NSD2: variants seen among roughly 807,000 people sequenced by gnomAD.
The protein encoded by NSD2 is histone-lysine N-methyltransferase NSD2.
Under a neutral mutation model 139.0 loss-of-function variants are expected in NSD2, and 12 were observed. That is an observed-to-expected ratio of 0.09 (90% confidence interval 0.06 to 0.14). The LOEUF is 0.14. Ranked by LOEUF, NSD2 falls within the 10% of genes least tolerant of loss-of-function variation. The pLI is 1.00. For synonymous variants in NSD2, 669 were observed against 648.7 expected, an observed-to-expected ratio of 1.03 and a Z score of -0.48; for missense variants, 1,155 against 1,745.0, an observed-to-expected ratio of 0.66 and a Z score of 6.02.
chr4:1,882,711 AAC>A lies in NSD2; in HGVS notation c.-30+11171_-30+11172del, dbSNP rs371300894. ...AACAAAAAACTGGGTTGAGCCAAGT[AAC>A]AGTTTTGGGCTTGTTACTGTACCAT... On this transcript the variant is annotated intron_variant, in intron 1 of 21. Coordinates refer to ENST00000508803, the MANE Select transcript of NSD2 (RefSeq NM_001042424.3). Among the ~76,000 whole-genome samples the A allele has an allele frequency of 5.8e-3, 890 of 152,258 alleles. 9 individuals carry two copies. Among genetic ancestry groups the A allele is most frequent in the African/African-American group, 0.02 (845 of 41,562 alleles).
Position 1,979,869 on chromosome 4 carries a change from G to C in NSD2, c.*960G>C. The C allele has an allele frequency of 4.3e-6, 1 of 232,748 alleles. No homozygotes were observed. Among genetic ancestry groups the C allele is most frequent in the Non-Finnish European group, 8.5e-6 (1 of 117,708 alleles). The allele number at this position is 232,748 out of a possible 1,614,324, so 14.4% of individuals were successfully genotyped here. ...CGAAAGGAGTGACTTTGCAGGGCGT[G>C]AGACCGCAGTCTGCTTAGAGCACAG... On this transcript the variant is annotated 3_prime_UTR_variant, in exon 22 of 22. Transcript: ENST00000508803.
intron 9 of NSD2, chr4:1,941,987 C>G: frequency 9.1e-7 from 1 of 1,096,806 alleles, no homozygotes; most frequent in African/African-American, 1.6e-5. Context: ...TGTTTGAGGT[C>G]CACACTGACA....
chr4:1,902,255 G>A lies in NSD2; in HGVS notation c.597+1004G>A, dbSNP rs535575120. On this transcript the variant is annotated intron_variant, in intron 2 of 21. Transcript: ENST00000508803. ...TTATTTATTTATTTATTTTGAGATG[G>A]TCTCTGTTGTCCAGGCTAGAGGGCA... Among the ~76,000 whole-genome samples the A allele has an allele frequency of 5.3e-5, 8 of 152,146 alleles. No individual in the cohort carries two copies. The South Asian group carries it at 1.7e-3, about 32-fold the overall frequency.
chr4:1,951,325 T>C, intron 10 of NSD2, 122 bp downstream of exon 10: 2 of 1,365,280 alleles, frequency 1.5e-6, no homozygotes, highest in Non-Finnish European at 2.0e-6. Flanking sequence ...TCACCGTCAC[T>C]CACTCATCTC....
intron 7 of NSD2, 63 bp from the exon 8 acceptor site, chr4:1,938,388 C>CTTTTTTTTTTTTTTTTTTTTTTTTTTTTT (rs1186431532): frequency 1.6e-5 from 18 of 1,130,120 alleles, no homozygotes; most frequent in Middle Eastern, 3.3e-4. Flanking sequence ...TTTTTTTTTC[C>CTTTTTTTTTTTTTTTTTTTTTTTTTTTTT]TTTTTTTCTT....
At chr4:1,891,634 C>G (rs951205026) in intron 1 of NSD2, among the ~76,000 whole-genome samples, 2 of 151,984 alleles carry the variant, frequency 1.3e-5, no homozygotes, top group Non-Finnish European at 2.9e-5. Context: ...GGGCAGTTCA[C>G]GAGGTGAGGA....
chr4:1,959,409 T>TA, intron 16 of NSD2, 62 bp from the exon 17 acceptor site: 1 of 1,567,610 alleles, frequency 6.4e-7, no homozygotes, highest in South Asian at 1.2e-5. Flanking sequence ...CAGTGGTGGG[T>TA]GTGCAAGGGT....
intron 1 of NSD2, among the ~76,000 whole-genome samples, chr4:1,880,163 T>C (rs571487579): frequency 6.6e-6 from 1 of 152,312 alleles, no homozygotes; most frequent in East Asian, 1.9e-4. Flanking sequence ...AATTCGGAGT[T>C]GGTGTAATCT....
Position 1,878,270 on chromosome 4 carries a change from T to A in NSD2, c.-30+6728T>A, listed in dbSNP as rs1318338644. On this transcript the variant is annotated intron_variant, in intron 1 of 21. Coordinates refer to ENST00000508803, the MANE Select transcript of NSD2 (RefSeq NM_001042424.3). ...ATATATATTTTTTTTTTTTTTTTTT[T>A]TTTTTTTTTTTTTTGTATTTTTAGT... Among the ~76,000 whole-genome samples the A allele has an allele frequency of 1.7e-3, 211 of 124,118 alleles. 1 individual carries two copies. Among genetic ancestry groups the A allele is most frequent in the African/African-American group, 6.1e-3 (194 of 31,910 alleles). The allele number at this position is 124,118 out of a possible 152,430, so 81.4% of individuals were successfully genotyped here.
chr4:1,891,901 G>A (rs9999954), intron 1 of NSD2, among the ~76,000 whole-genome samples: 14,043 of 148,400 alleles, frequency 0.095, 2,042 homozygotes, highest in African/African-American at 0.32. Flanking sequence ...ACGAAAAAAC[G>A]AAAAACCTCA....
chr4:1,932,418 G>A (rs1721754395), intron 6 of NSD2, among the ~76,000 whole-genome samples: 1 of 132,858 alleles, frequency 7.5e-6, no homozygotes, highest in African/African-American at 2.9e-5. Context: ...CAGCCTTGGC[G>A]CCAGAGCAAG....
intron 2 of NSD2, among the ~76,000 whole-genome samples, chr4:1,902,768 C>G (rs894226248): frequency 1.4e-4 from 21 of 152,140 alleles, no homozygotes; most frequent in African/African-American, 4.8e-4. Context: ...TAGCCATGTC[C>G]CTTGGTTTTG....
rs1490296945 is a variant in NSD2 at position 1,973,219 on chromosome 4, C to A, written c.3373-1644C>A. Reference sequence around the variant, plus strand: ...TGTAAGTCAGTTAAGATAAATAAAACAGGGTCAAGACATGGCGGGCAACCC... The same window carrying A: ...TGTAAGTCAGTTAAGATAAATAAAAAAGGGTCAAGACATGGCGGGCAACCC... On this transcript the variant is annotated intron_variant, in intron 18 of 21. Transcript: ENST00000508803. This position sits in a 1 kb window ranked among gnomAD's most constrained non-coding sequence, Gnocchi z 5.5. Among the ~76,000 whole-genome samples, 18 of 152,274 alleles carry A rather than the reference C, an allele frequency of 1.2e-4. No individual in the cohort carries two copies. The East Asian group carries it at 3.5e-3, about 29-fold the overall frequency.
chr4:1,979,641 T>C lies in NSD2; in HGVS notation c.*732T>C, dbSNP rs1440321021. On this transcript the variant is annotated 3_prime_UTR_variant, in exon 22 of 22. Coordinates refer to ENST00000508803, the MANE Select transcript of NSD2 (RefSeq NM_001042424.3). ...GGAGCACTTTCGAGGCCTGGCCGGG[T>C]TGGGCCTACTTCTCACCTGGGCCTA... 1 of 232,390 alleles carries C rather than the reference T, an allele frequency of 4.3e-6. No homozygotes were observed. The highest frequency in any genetic ancestry group is 8.5e-6 in the Non-Finnish European group (1 of 117,604). The allele number at this position is 232,390 out of a possible 1,614,324, so 14.4% of individuals were successfully genotyped here. A position where few individuals can be genotyped will look rare whatever the true frequency, so the allele number is the denominator to read the frequency against.
intron 18 of NSD2, among the ~76,000 whole-genome samples, chr4:1,964,686 T>C (rs1178394985): frequency 6.6e-6 from 1 of 152,186 alleles, no homozygotes; most frequent in Non-Finnish European, 1.5e-5. Context: ...CCCCTCCAGC[T>C]GAAGTATCTT....
At position 1,982,116 on chromosome 4, in the gene NSD2, A is replaced by C. The variant is rs1023281778; in HGVS notation, c.*3207A>C. On this transcript the variant is annotated 3_prime_UTR_variant, in exon 22 of 22. Transcript: ENST00000508803. ...AGAGTTGAGACTTGCCAGTTGGGGG[A>C]AAATAGCATTTAAAATGGAAAGCTG... 4 of 396,222 alleles carry C rather than the reference A, an allele frequency of 1.0e-5. No individual in the cohort carries two copies. The highest frequency in any genetic ancestry group is 1.8e-5 in the Non-Finnish European group (4 of 225,206). The allele number at this position is 396,222 out of a possible 1,614,324, so 24.5% of individuals were successfully genotyped here. A position where few individuals can be genotyped will look rare whatever the true frequency, so the allele number is the denominator to read the frequency against.
At chr4:1,933,770 T>C (rs1343521576) in intron 6 of NSD2, among the ~76,000 whole-genome samples, 2 of 152,178 alleles carry the variant, frequency 1.3e-5, no homozygotes, top group Non-Finnish European at 2.9e-5. Flanking sequence ...AATGATAATA[T>C]TGGATTTATA....
At chr4:1,969,645 G>A (rs970322105) in intron 18 of NSD2, among the ~76,000 whole-genome samples, 4 of 148,706 alleles carry the variant, frequency 2.7e-5, no homozygotes, top group African/African-American at 7.9e-5. Flanking sequence ...AGGCCAAGGC[G>A]CGCAGTAAGC....
intron 1 of NSD2, among the ~76,000 whole-genome samples, chr4:1,893,048 A>G (rs1245688732): frequency 1.3e-5 from 2 of 152,116 alleles, no homozygotes; most frequent in Non-Finnish European, 2.9e-5. Context: ...CTACAACAGC[A>G]CTTCTCCAGT....
Sources: gnomAD v4.1 joint callset for allele counts (sites outside exome capture counted in the v4.1 genomes callset) on GRCh38, gnomAD v4.1.1 for gene constraint, Gnocchi (gnomAD v3.1) non-coding constraint, MANE v1.5 for transcripts, NCBI Gene and HGNC (gene_info 2026-07-23, HGNC 2026-07-21) for gene names.